The following TTN variants were observed in gnomAD, a reference collection of about 807,000 sequenced individuals.
TTN encodes titin.
TTN carries 1,525 observed loss-of-function variants against 3,223.0 expected under a neutral mutation model. That is an observed-to-expected ratio of 0.47 (90% CI 0.45 to 0.49). The LOEUF is 0.49. TTN is among the 20% of genes least tolerant of loss of function. The probability of loss-of-function intolerance (pLI) is 0.00; values close to 1 mark genes in which losing one functional copy is unlikely to be tolerated. For synonymous variants in TTN, 14,094 were observed against 15,161.0 expected, an observed-to-expected ratio of 0.93 and a Z score of 5.17; for missense variants, 40,786 against 43,424.0, an observed-to-expected ratio of 0.94 and a Z score of 5.40.
Position 178,739,465 on chromosome 2 carries a change from T to C in TTN, c.13768A>G (p.Thr4590Ala), listed in dbSNP as rs2082104503. ...CCCTCAGCTTCCTGTATCTTTACTG[T>C]AGCAACCTCCTCAGTACCACTTTCA... ...SSESGTEEVA[T>A]VKIQEAEGGL... The change falls in exon 48 of 363, where the codon ACA becomes GCA. Residue 4590 changes from threonine (T) to alanine (A), a missense_variant. Physicochemically the swap from Thr to Ala is moderately conservative, Grantham distance 58. Transcript: ENST00000589042. The C allele has an allele frequency of 6.2e-7, 1 of 1,613,786 alleles. No homozygotes were observed. The highest frequency in any genetic ancestry group is 1.1e-5 in the South Asian group (1 of 91,072).
In TTN at chr2:178,747,207, G is replaced by A. The variant is rs200953966; in HGVS notation, c.11312-5286C>T. 535 of 1,611,660 alleles carry A rather than the reference G, an allele frequency of 3.3e-4. 1 individual carries two copies. The highest frequency in any genetic ancestry group is 2.9e-4 in the Non-Finnish European group (345 of 1,178,722). The stretch of plus-strand genomic sequence containing the variant: ...TATCTCTCTAGAGTCTCTCCTGGAG[G>A]TGTGGAGTATCTCTCTAGTGTCTCC... On this transcript the variant is annotated intron_variant, in intron 47 of 362. Transcript: ENST00000589042.
Position 178,548,290 on chromosome 2 carries a change from T to A in TTN, c.93336A>T (p.Glu31112Asp). ...YEMPEPIVAT[E>D]QPAPPRRLDV... ...CAAGTCTCCTAGGTGGAGCAGGCTG[T>A]TCTGTGGCTACAATTGGTTCTGGCA... Residue 31112 changes from glutamate (E) to aspartate (D), a missense_variant, in exon 339 of 363, where the codon GAA becomes GAT. Coordinates refer to ENST00000589042, the MANE Select transcript of TTN (RefSeq NM_001267550.2). This position sits in a 1 kb window ranked among gnomAD's most constrained non-coding sequence, Gnocchi z 4.3. 6.2e-7 allele frequency: 1 copy of A among 1,613,898 alleles called. No homozygotes were observed. Among genetic ancestry groups the A allele is most frequent in the African/African-American group, 1.3e-5 (1 of 75,036 alleles).
intron 198 of TTN, 36 bp from the exon 199 acceptor site, chr2:178,653,160 T>G (rs765800137): frequency 5.6e-6 from 9 of 1,611,664 alleles, no homozygotes; most frequent in Non-Finnish European, 7.6e-6. Context: ...ATTTAGGGGT[T>G]ATGAAGACCA....
Position 178,769,662 on chromosome 2 carries a change from TATA to T in TTN, c.8902+14_8902+16del, listed in dbSNP as rs762958322. 1.1e-4 allele frequency: 166 copies of T among 1,576,626 alleles called. No homozygotes were observed. The highest frequency in any genetic ancestry group is 2.1e-4 in the East Asian group (9 of 43,840). The stretch of plus-strand genomic sequence containing the variant: ...TTATATATATGTGTATATATATATA[TATA>T]TTTTTTAACTTACGGGTGACTGTCA... On this transcript the variant is annotated intron_variant, in intron 37 of 362. Transcript: ENST00000589042.
At chr2:178,780,462 G>A (rs1294036252) in intron 21 of TTN, among the ~76,000 whole-genome samples, 2 of 152,130 alleles carry the variant, frequency 1.3e-5, no homozygotes, top group South Asian at 2.1e-4. Flanking sequence ...TACCACGGAG[G>A]ACTTCCTAAT....
In TTN at chr2:178,617,686, T is replaced by C. The variant is rs72677234; in HGVS notation, c.47572+93A>G. ...CAAATTTTTATGATATTCTACCTTT[T>C]TATTAACTTTCATTTAACTTGATTT... On this transcript the variant is annotated intron_variant, in intron 253 of 362. Transcript: ENST00000589042. 1.1e-3 allele frequency: 1,726 copies of C among 1,510,170 alleles called. 7 individuals carry two copies. Among genetic ancestry groups the C allele is most frequent in the Middle Eastern group, 9.2e-3 (53 of 5,786 alleles). The allele number at this position is 1,510,170 out of a possible 1,614,324, so 93.5% of individuals were successfully genotyped here. A position where few individuals can be genotyped will look rare whatever the true frequency, so the allele number is the denominator to read the frequency against.
rs780678385 is a variant in TTN at position 178,793,573 on chromosome 2, T to G, written c.1399-32A>C. On this transcript the variant is annotated intron_variant, in intron 8 of 362. Transcript: ENST00000589042. ...TTCATAGAGAAAGGAAGAAAACACC[T>G]TAATGCATCTTACATAAAAATTAGT... is the stretch of plus-strand genomic sequence containing the variant. 1.9e-6 allele frequency: 3 copies of G among 1,611,262 alleles called. No homozygotes were observed. The South Asian group carries it at 3.3e-5, about 18-fold the overall frequency.
chr2:178,759,464 G>A (rs1395918109), intron 43 of TTN, among the ~76,000 whole-genome samples: 1 of 152,210 alleles, frequency 6.6e-6, no homozygotes, highest in Non-Finnish European at 1.5e-5. Flanking sequence ...ATGTCATGCA[G>A]TGGAAGCAGA....
Position 178,529,237 on chromosome 2 carries a change from GT to G in TTN, c.106532-19del, listed in dbSNP as rs780849261. On this transcript the variant is annotated intron_variant, in intron 359 of 362. Coordinates refer to ENST00000589042, the MANE Select transcript of TTN (RefSeq NM_001267550.2). Reference sequence around the variant, plus strand: ...TTTTATAGCTAAAAAAGAAACCTCTGTAAGGCAAACTTAATTAGAAAGAGAC... The same window carrying G: ...TTTTATAGCTAAAAAAGAAACCTCTGAAGGCAAACTTAATTAGAAAGAGAC... 9.8e-6 allele frequency: 14 copies of G among 1,431,046 alleles called. No homozygotes were observed. The African/African-American group carries it at 1.9e-4, about 19-fold the overall frequency. 88.6% of individuals were successfully genotyped at this position (1,431,046 alleles called of 1,614,324 possible).
Position 178,710,838 on chromosome 2 carries a change from A to C in TTN, c.28259T>G (p.Val9420Gly). 1 of 1,613,884 alleles carries C rather than the reference A, an allele frequency of 6.2e-7. No individual in the cohort carries two copies. ...GACCTTTATCGGTTGTGTGCCCGTGACGTGGCACTCAAAGTCAGCACTTTC... is the reference window on the plus strand; with the variant it reads ...GACCTTTATCGGTTGTGTGCCCGTGCCGTGGCACTCAAAGTCAGCACTTTC... ...VGESADFECH[V>G]TGTQPIKVSW... is the part of the protein sequence containing the mutation. The change falls in exon 98 of 363, where the codon GTC becomes GGC. Residue 9420 changes from valine (V) to glycine (G), a missense_variant. Coordinates refer to ENST00000589042, the MANE Select transcript of TTN (RefSeq NM_001267550.2).
Position 178,789,992 on chromosome 2 carries a change from T to C in TTN, c.1924A>G (p.Ile642Val). The C allele has an allele frequency of 1.2e-6, 2 of 1,613,070 alleles. No individual in the cohort carries two copies. The highest frequency in any genetic ancestry group is 2.2e-5 in the East Asian group (1 of 44,702). ...TCTGTATTCACCTTCTCCTGAGTTA[T>C]TTGCACTTGTTCTCTTTTGGTAGTA... ...GITTKREQVQ[I>V]TQEKMRKEAE... is the part of the protein sequence containing the mutation. Residue 642 changes from isoleucine (I) to valine (V), a missense_variant, in exon 12 of 363, where the codon ATA becomes GTA. Coordinates refer to ENST00000589042, the MANE Select transcript of TTN (RefSeq NM_001267550.2).
In TTN at chr2:178,570,170, A is replaced by G. The variant is rs748102666; in HGVS notation, c.75962T>C (p.Met25321Thr). Residue 25321 changes from methionine (M) to threonine (T), a missense_variant, in exon 326 of 363, where the codon ATG (methionine) becomes ACG (threonine). Transcript: ENST00000589042. ...TGCTGGTCTTTCCCATACAACAATC[A>G]TTGAGTCCTTGGTCACTGTTGTGAC... ...PEVTTVTKDS[M>T]IVVWERPASD... 14 of 1,613,478 alleles carry G rather than the reference A, an allele frequency of 8.7e-6. No homozygotes were observed. The highest frequency in any genetic ancestry group is 1.7e-4 in the Middle Eastern group (1 of 6,050).
At position 178,698,923 on chromosome 2, in the gene TTN, AAAAAAAAAG is replaced by A; in HGVS notation, c.30683-18_30683-10del. The A allele has an allele frequency of 6.7e-7, 1 of 1,494,674 alleles. No homozygotes were observed. The highest frequency in any genetic ancestry group is 2.5e-5 in the East Asian group (1 of 40,094). The allele number at this position is 1,494,674 out of a possible 1,614,324, so 92.6% of individuals were successfully genotyped here. A position where few individuals can be genotyped will look rare whatever the true frequency, so the allele number is the denominator to read the frequency against. On this transcript the variant is annotated splice_polypyrimidine_tract_variant and intron_variant, in intron 111 of 362. Coordinates refer to ENST00000589042, the MANE Select transcript of TTN (RefSeq NM_001267550.2). ...CACAGCCTTTTTGGTAACTAAAAAAAAAAAAAAAGAAAAAAAAAGAAAAAATATTTCTGG... is the reference window on the plus strand; with the variant it reads ...CACAGCCTTTTTGGTAACTAAAAAAAAAAAAAAAAGAAAAAATATTTCTGG...
In TTN at chr2:178,725,499, C is replaced by A. The variant is rs2079182473; in HGVS notation, c.20705G>T (p.Arg6902Met). The A allele has an allele frequency of 6.2e-7, 1 of 1,613,234 alleles. No individual in the cohort carries two copies. Among genetic ancestry groups the A allele is most frequent in the African/African-American group, 1.3e-5 (1 of 74,870 alleles). Residue 6902 changes from arginine (R) to methionine (M), a missense_variant, in exon 71 of 363, where the codon AGG (arginine) becomes ATG (methionine). By Grantham distance (91) the Arg-to-Met change is moderately conservative. Coordinates refer to ENST00000589042, the MANE Select transcript of TTN (RefSeq NM_001267550.2). Reference sequence around the variant, plus strand: ...TGCAACATTTTCCACAAATGTAATCCTGATGTTTTCACTTTCTCTAATCAC... The same window carrying A: ...TGCAACATTTTCCACAAATGTAATCATGATGTTTTCACTTTCTCTAATCAC... Reference protein sequence around the residue: ...EEVIRESENIRITFVENVATL... With the variant: ...EEVIRESENIMITFVENVATL...
At chr2:178,762,395 T>C (rs552700792) in intron 43 of TTN, among the ~76,000 whole-genome samples, 41 of 152,356 alleles carry the variant, frequency 2.7e-4, no homozygotes, top group Non-Finnish European at 5.3e-4. Context: ...ACATTGGTTA[T>C]GCAGAAAAGA....
Position 178,560,007 on chromosome 2 carries a change from C to G in TTN, c.86125G>C (p.Glu28709Gln). Residue 28709 changes from glutamate (E) to glutamine (Q), a missense_variant, in exon 326 of 363, where the codon GAA (glutamate) becomes CAA (glutamine). Coordinates refer to ENST00000589042, the MANE Select transcript of TTN (RefSeq NM_001267550.2). Reference sequence around the variant, plus strand: ...GTTGTTAGTCCGCTTATTGTATATTCTGTCCCTCGTAAGCTCTGAATGGAA... The same window carrying G: ...GTTGTTAGTCCGCTTATTGTATATTGTGTCCCTCGTAAGCTCTGAATGGAA... ...KTSIQSLRGT[E>Q]YTISGLTTGA... 5 of 1,613,748 alleles carry G rather than the reference C, an allele frequency of 3.1e-6. No homozygotes were observed. Among genetic ancestry groups the G allele is most frequent in the Non-Finnish European group, 4.2e-6 (5 of 1,179,810 alleles).
rs534774815 is a variant in TTN at position 178,541,090 on chromosome 2, G to C, written c.97795+192C>G. On this transcript the variant is annotated intron_variant, in intron 350 of 362. Transcript: ENST00000589042. ...CCAGAAATCGCTAGCAGCTGGGGTGGGGAAGGGACTGATTACAAACGGACA... is the reference window on the plus strand; with the variant it reads ...CCAGAAATCGCTAGCAGCTGGGGTGCGGAAGGGACTGATTACAAACGGACA... 18 of 448,308 alleles carry C rather than the reference G, an allele frequency of 4.0e-5. No individual in the cohort carries two copies. In the South Asian group the frequency reaches 1.8e-3, roughly 44 times the overall value. The allele number at this position is 448,308 out of a possible 1,614,324, so 27.8% of individuals were successfully genotyped here. A position where few individuals can be genotyped will look rare whatever the true frequency, so the allele number is the denominator to read the frequency against.
At chr2:178,722,224 A>G (rs1399320629) in intron 77 of TTN, 35 bp downstream of exon 77, 1 of 1,532,944 alleles carries the variant, frequency 6.5e-7, no homozygotes, top group Non-Finnish European at 8.7e-7. Flanking sequence ...ATGAAGCCAC[A>G]GTTTGCAAAG....
chr2:178,673,058 C>G (rs909860797), intron 152 of TTN, among the ~76,000 whole-genome samples: 1 of 151,768 alleles, frequency 6.6e-6, no homozygotes, highest in Non-Finnish European at 1.5e-5. Context: ...TCACTTTCTG[C>G]TGTGCACTCT....
Sources: allele counts gnomAD v4.1 joint callset (sites outside exome capture counted in the v4.1 genomes callset), GRCh38; gene constraint gnomAD v4.1.1; non-coding constraint Gnocchi (gnomAD v3.1); transcripts MANE v1.5; gene names NCBI Gene and HGNC (gene_info 2026-07-23, HGNC 2026-07-21).